Variants in ARHGAP21 observed in about 807,000 individuals in gnomAD.
ARHGAP21 encodes Rho GTPase activating protein 21.
In ARHGAP21, 38 loss-of-function variants were observed where a neutral mutation model predicts 164.6. That is an observed-to-expected ratio of 0.23 (90% confidence interval 0.18 to 0.30). ARHGAP21 has a LOEUF of 0.30. Among genes scored for constraint, ARHGAP21 ranks in the 10% least tolerant of loss-of-function variants. ARHGAP21 has a pLI of 1.00. For missense variants in ARHGAP21, 1,822 were observed against 2,370.7 expected, an observed-to-expected ratio of 0.77 and a Z score of 4.81; for synonymous variants, 766 against 857.9, an observed-to-expected ratio of 0.89 and a Z score of 1.87.
At position 24,595,985 on chromosome 10, in the gene ARHGAP21, T is replaced by C. The variant is rs1471402985; in HGVS notation, c.3536A>G (p.Tyr1179Cys). Reference sequence around the variant, plus strand: ...TCCAGGAACTCTATAAATACCTGTATATTCAAGACCTCTTTCTTCAACTAA... The same window carrying C: ...TCCAGGAACTCTATAAATACCTGTACATTCAAGACCTCTTTCTTCAACTAA... ...CKLVEERGLE[Y>C]TGIYRVPGNN... The change falls in exon 18 of 26, where the codon TAT (tyrosine) becomes TGT (cysteine). Residue 1179 changes from tyrosine (Y) to cysteine (C), a missense_variant. Tyr to Cys is a radical substitution (Grantham distance 194). Coordinates refer to ENST00000396432, the MANE Select transcript of ARHGAP21 (RefSeq NM_020824.4). 1.2e-6 allele frequency: 2 copies of C among 1,612,228 alleles called. No individual in the cohort carries two copies. Among genetic ancestry groups the C allele is most frequent in the Non-Finnish European group, 1.7e-6 (2 of 1,178,946 alleles).
intron 13 of ARHGAP21, 61 bp from the exon 14 acceptor site, chr10:24,600,991 A>G: frequency 1.3e-6 from 2 of 1,547,830 alleles, no homozygotes; most frequent in Non-Finnish European, 1.8e-6. Context: ...GTGACAGGAT[A>G]AGCACATTAA....
At position 24,591,291 on chromosome 10, in the gene ARHGAP21, C is replaced by T. The variant is rs760469086; in HGVS notation, c.4084G>A (p.Val1362Met). The change falls in exon 24 of 26, where the codon GTG becomes ATG. Residue 1362 changes from valine to methionine, a missense_variant. By Grantham distance (21) the Val-to-Met change is conservative (BLOSUM62 1). This residue lies in a region of ARHGAP21 where 333 missense variants were observed against 383.9 expected (regional missense o/e 0.87). Coordinates refer to ENST00000396432, the MANE Select transcript of ARHGAP21 (RefSeq NM_020824.4). ...QEESTVDSQP[V>M]PNIDHLLTNI... is the part of the protein sequence containing the mutation. ...GTGAGTAAATGATCTATGTTTGGCA[C>T]TGGCTGGGAGTCTACTGTGCTTTCC... is the stretch of plus-strand genomic sequence containing the variant. 6.2e-7 allele frequency: 1 copy of T among 1,613,144 alleles called. No individual in the cohort carries two copies. The highest frequency in any genetic ancestry group is 8.5e-7 in the Non-Finnish European group (1 of 1,179,964).
chr10:24,601,872 T>C (rs1267690000), intron 13 of ARHGAP21, 106 bp downstream of exon 13: 10 of 1,258,926 alleles, frequency 7.9e-6, no homozygotes, highest in South Asian at 3.2e-5. Flanking sequence ...GTTTTTTTTT[T>C]CACTCTTTAA....
At chr10:24,598,917 T>C (rs1474754495) in intron 14 of ARHGAP21, among the ~76,000 whole-genome samples, 1 of 152,190 alleles carries the variant, frequency 6.6e-6, no homozygotes, top group East Asian at 1.9e-4. Context: ...TGCCACTGTT[T>C]CCTTATTTTT....
At chr10:24,668,484 G>A (rs1840401410) in intron 3 of ARHGAP21, among the ~76,000 whole-genome samples, 1 of 152,164 alleles carries the variant, frequency 6.6e-6, no homozygotes, top group South Asian at 2.1e-4. Context: ...CCTGTCCAGG[G>A]TTAGGCCCCA....
intron 11 of ARHGAP21, among the ~76,000 whole-genome samples, chr10:24,604,747 C>T (rs539072571): frequency 2.0e-5 from 3 of 152,248 alleles, no homozygotes; most frequent in African/African-American, 7.2e-5. Context: ...CAGGGAGATG[C>T]TCCCTGTCAT....
At chr10:24,685,692 A>G (rs1051377662) in intron 2 of ARHGAP21, among the ~76,000 whole-genome samples, 5 of 152,066 alleles carry the variant, frequency 3.3e-5, no homozygotes, top group Non-Finnish European at 7.4e-5. Context: ...CCTGGCCAAC[A>G]TGGTAAAACC....
At chr10:24,676,199 C>A (rs947030280) in intron 2 of ARHGAP21, among the ~76,000 whole-genome samples, 1 of 152,142 alleles carries the variant, frequency 6.6e-6, no homozygotes, top group East Asian at 1.9e-4. Flanking sequence ...TAGAATTTAA[C>A]ACTGGAAAAA....
At chr10:24,592,153 AAG>A in intron 21 of ARHGAP21, 141 bp from the exon 22 acceptor site, 403 of 655,604 alleles carry the variant, frequency 6.1e-4, no homozygotes, top group Middle Eastern at 1.4e-3. Context: ...GCTTTCTAGC[AAG>A]ATTTTTTTTT....
chr10:24,714,455 G>T (rs1845157042), intron 2 of ARHGAP21: 1 of 152,128 alleles, frequency 6.6e-6, no homozygotes, highest in Non-Finnish European at 1.5e-5. Context: ...CTTTGCTGAT[G>T]GCTCTTATCT....
intron 25 of ARHGAP21, among the ~76,000 whole-genome samples, chr10:24,587,601 T>C (rs2130710320): frequency 6.6e-6 from 1 of 152,348 alleles, no homozygotes; most frequent in East Asian, 1.9e-4. Context: ...CTAATGGTTA[T>C]TTACATTTCC....
intron 4 of ARHGAP21, among the ~76,000 whole-genome samples, chr10:24,650,234 A>G (rs1315325018): frequency 6.6e-6 from 1 of 152,174 alleles, no homozygotes; most frequent in African/African-American, 2.4e-5. Context: ...AGCCAGGCGC[A>G]GTGGCTCATG....
At chr10:24,673,502 T>G (rs1416670026) in intron 2 of ARHGAP21, among the ~76,000 whole-genome samples, 1 of 152,210 alleles carries the variant, frequency 6.6e-6, no homozygotes, top group Admixed American at 6.5e-5. Context: ...GTGTGGAGGC[T>G]GTGTGCAAGA....
chr10:24,654,939 A>G, intron 4 of ARHGAP21, among the ~76,000 whole-genome samples: 1 of 152,254 alleles, frequency 6.6e-6, no homozygotes, highest in Non-Finnish European at 1.5e-5. Context: ...TCAATGGAAC[A>G]GAACAGAGGC....
intron 2 of ARHGAP21, among the ~76,000 whole-genome samples, chr10:24,678,244 C>T (rs950509202): frequency 1.3e-5 from 2 of 152,182 alleles, no homozygotes; most frequent in African/African-American, 2.4e-5. Context: ...ACAATCCACT[C>T]GTGTTATTCA....
At chr10:24,718,302 G>A (rs1037062535) in intron 2 of ARHGAP21, among the ~76,000 whole-genome samples, 1 of 152,182 alleles carries the variant, frequency 6.6e-6, no homozygotes, top group Non-Finnish European at 1.5e-5. Flanking sequence ...CAATGCCTGG[G>A]GAATATCCCC....
At chr10:24,601,423 A>G (rs2130905751) in intron 13 of ARHGAP21, among the ~76,000 whole-genome samples, 1 of 152,264 alleles carries the variant, frequency 6.6e-6, no homozygotes, top group East Asian at 1.9e-4. Flanking sequence ...AAATTTTTAA[A>G]CTCTTCTGAC....
At chr10:24,636,704 G>A (rs1836423205) in intron 4 of ARHGAP21, among the ~76,000 whole-genome samples, 1 of 152,146 alleles carries the variant, frequency 6.6e-6, no homozygotes, top group South Asian at 2.1e-4. Context: ...TATTTATTCT[G>A]AAAGACGCCC....
chr10:24,626,611 A>G (rs1835167681), intron 7 of ARHGAP21, among the ~76,000 whole-genome samples: 1 of 152,156 alleles, frequency 6.6e-6, no homozygotes, highest in Non-Finnish European at 1.5e-5. Flanking sequence ...CATCCAGTCT[A>G]AGGTATTTTG....
Sources: gnomAD v4.1 joint callset for allele counts (sites outside exome capture counted in the v4.1 genomes callset) on GRCh38, gnomAD v4.1.1 for gene constraint, gnomAD v4.1.1 regional missense constraint, MANE v1.5 for transcripts, NCBI Gene and HGNC (gene_info 2026-07-23, HGNC 2026-07-21) for gene names.